Variants in HOOK3 observed in about 807,000 individuals in gnomAD.
HOOK3 encodes the protein protein Hook homolog 3.
A neutral mutation model predicts 116.3 loss-of-function variants in HOOK3; 24 were observed. That is an observed-to-expected ratio of 0.21 (90% CI 0.15 to 0.29). HOOK3 has a LOEUF of 0.29. Ranked by LOEUF, HOOK3 falls within the 10% of genes least tolerant of loss-of-function variation. HOOK3 has a pLI of 1.00. For missense variants in HOOK3, 632 were observed against 830.2 expected (o/e 0.76, Z 2.93); for synonymous variants, 275 against 283.0 (o/e 0.97, Z 0.28).
chr8:42,997,576 T>G lies in HOOK3; in HGVS notation c.1559T>G (p.Val520Gly). ...CTGGTGAATCAAAGACTTCTGGAAG[T>G]ACAGTCACAAGTTGAAGAATTACAA... ...NRLVNQRLLE[V>G]QSQVEELQKS... Residue 520 changes from valine (V) to glycine (G), a missense_variant, in exon 16 of 22, where the codon GTA (valine) becomes GGA (glycine). Coordinates refer to ENST00000307602, the MANE Select transcript of HOOK3 (RefSeq NM_032410.4). 1 of 1,610,370 alleles carries G rather than the reference T, an allele frequency of 6.2e-7. No homozygotes were observed. Among genetic ancestry groups the G allele is most frequent in the South Asian group, 1.1e-5 (1 of 90,320 alleles).
At chr8:42,974,456 C>T (rs1808783048) in intron 13 of HOOK3, among the ~76,000 whole-genome samples, 1 of 152,032 alleles carries the variant, frequency 6.6e-6, no homozygotes, top group Non-Finnish European at 1.5e-5. Context: ...CCAGGCTGGT[C>T]TGGAACTCCT....
intron 4 of HOOK3, among the ~76,000 whole-genome samples, chr8:42,933,807 T>C (rs1157831678): frequency 1.3e-5 from 2 of 152,234 alleles, no homozygotes; most frequent in Non-Finnish European, 2.9e-5. Flanking sequence ...CTCCATGCCC[T>C]GTGGCTTCCA....
At chr8:42,928,999 G>A (rs1021756569) in intron 3 of HOOK3, among the ~76,000 whole-genome samples, 5 of 152,140 alleles carry the variant, frequency 3.3e-5, no homozygotes, top group Non-Finnish European at 4.4e-5. Flanking sequence ...CCAAGATTGC[G>A]CCATTGCACT....
chr8:42,916,057 C>T (rs1294825526), intron 2 of HOOK3, among the ~76,000 whole-genome samples: 2 of 152,188 alleles, frequency 1.3e-5, no homozygotes, highest in Non-Finnish European at 2.9e-5. Context: ...ATATCTCCTG[C>T]CTAAATGCTT....
chr8:42,972,386 C>A (rs1224364345), intron 11 of HOOK3, among the ~76,000 whole-genome samples: 1 of 152,150 alleles, frequency 6.6e-6, no homozygotes, highest in African/African-American at 2.4e-5. Context: ...GCTGTCATTA[C>A]AAACTTCCAA....
At chr8:42,905,917 A>T (rs367795295) in intron 1 of HOOK3, among the ~76,000 whole-genome samples, 25 of 151,998 alleles carry the variant, frequency 1.6e-4, no homozygotes, top group African/African-American at 5.8e-4. Flanking sequence ...GAAACCCTGT[A>T]TCTACTAAAG....
Position 42,966,522 on chromosome 8 carries a change from A to G in HOOK3, c.829A>G (p.Lys277Glu). Reference sequence around the variant, plus strand: ...TCGAATACGTTGTGAAGAGTTAGAAAAGGAGATCTCTGAACTTCGGCAACA... The same window carrying G: ...TCGAATACGTTGTGAAGAGTTAGAAGAGGAGATCTCTGAACTTCGGCAACA... ...DYRIRCEELE[K>E]EISELRQQND... The change falls in exon 10 of 22, where the codon AAG (lysine) becomes GAG (glutamate). Residue 277 changes from lysine (K) to glutamate (E), a missense_variant. Physicochemically the swap from Lys to Glu is moderately conservative, Grantham distance 56 (BLOSUM62 1). This residue lies in a region of HOOK3 where 483 missense variants were observed against 648.1 expected (regional missense o/e 0.75). Transcript: ENST00000307602. 1 of 1,614,158 alleles carries G rather than the reference A, an allele frequency of 6.2e-7. No homozygotes were observed. The highest frequency in any genetic ancestry group is 1.1e-5 in the South Asian group (1 of 91,088).
chr8:42,898,082 G>C (rs1054616747), intron 1 of HOOK3, among the ~76,000 whole-genome samples: 2 of 152,260 alleles, frequency 1.3e-5, no homozygotes, highest in Admixed American at 6.5e-5. Flanking sequence ...GGTAAAACAC[G>C]AATGTGAGAG....
intron 2 of HOOK3, among the ~76,000 whole-genome samples, chr8:42,922,571 A>T (rs545378146): frequency 5.5e-4 from 83 of 151,984 alleles, no homozygotes; most frequent in African/African-American, 1.9e-3. Context: ...AAAAAAAATT[A>T]AAAACTTTGT....
intron 13 of HOOK3, 77 bp from the exon 14 acceptor site, chr8:42,982,550 T>C (rs1808972363): frequency 1.0e-6 from 1 of 961,504 alleles, no homozygotes; most frequent in African/African-American, 1.6e-5. Context: ...AAATTAATGC[T>C]CAAAGTAGGG....
intron 1 of HOOK3, among the ~76,000 whole-genome samples, chr8:42,904,429 C>T (rs180713084): frequency 5.9e-4 from 90 of 151,894 alleles, no homozygotes; most frequent in Non-Finnish European, 1.1e-3. Context: ...CCTGCATCAG[C>T]CTCCAGTGTA....
chr8:43,013,132 G>T lies in HOOK3; in HGVS notation c.1921G>T (p.Asp641Tyr). ...QALKNQLQER[D>Y]RLFHSLEKEY... ...TCTTAAAAATCAGCTCCAGGAACGA[G>T]ACCGACTGTTCCACTCATTAGAGGT... The change falls in exon 20 of 22, where the codon GAC becomes TAC. Residue 641 changes from aspartate to tyrosine, a missense_variant. Asp to Tyr is a radical substitution (Grantham distance 160). This residue lies in a region of HOOK3 where 483 missense variants were observed against 648.1 expected (regional missense o/e 0.75). Coordinates refer to ENST00000307602, the MANE Select transcript of HOOK3 (RefSeq NM_032410.4). The T allele has an allele frequency of 6.2e-7, 1 of 1,610,226 alleles. No individual in the cohort carries two copies. Among genetic ancestry groups the T allele is most frequent in the South Asian group, 1.1e-5 (1 of 90,928 alleles).
intron 2 of HOOK3, among the ~76,000 whole-genome samples, chr8:42,910,156 G>A (rs1807394768): frequency 6.6e-6 from 1 of 152,100 alleles, no homozygotes; most frequent in Admixed American, 6.5e-5. Flanking sequence ...CATTGTATAC[G>A]ATATCATAAC....
At position 42,959,139 on chromosome 8, in the gene HOOK3, AG is replaced by A. The variant is rs1491215935; in HGVS notation, c.532-86del. The A allele has an allele frequency of 1.1e-5, 8 of 757,066 alleles. No homozygotes were observed. The Middle Eastern group carries it at 9.7e-4, about 92-fold the overall frequency. The allele number at this position is 757,066 out of a possible 1,614,324, so 46.9% of individuals were successfully genotyped here. A position where few individuals can be genotyped will look rare whatever the true frequency, so the allele number is the denominator to read the frequency against. Reference sequence around the variant, plus strand: ...GCACCCTTCCCTCTTCAGGAAAGACAGGGGGGAGATGTTTTAATTCTGTGTT... The same window carrying A: ...GCACCCTTCCCTCTTCAGGAAAGACAGGGGGAGATGTTTTAATTCTGTGTT... On this transcript the variant is annotated intron_variant, in intron 7 of 21. Transcript: ENST00000307602.
At chr8:42,924,668 A>G (rs930914966) in intron 2 of HOOK3, among the ~76,000 whole-genome samples, 2 of 152,210 alleles carry the variant, frequency 1.3e-5, no homozygotes. Flanking sequence ...TTATATATTT[A>G]TCAGTTTAAA....
At chr8:43,007,749 A>G (rs920690447) in intron 17 of HOOK3, 98 bp from the exon 18 acceptor site, 13 of 597,746 alleles carry the variant, frequency 2.2e-5, no homozygotes, top group Non-Finnish European at 3.2e-5. Flanking sequence ...CTTGCATGCA[A>G]TGCAAGTGTA....
At chr8:43,008,281 G>A (rs1265637211) in intron 18 of HOOK3, among the ~76,000 whole-genome samples, 3 of 152,046 alleles carry the variant, frequency 2.0e-5, no homozygotes, top group Admixed American at 2.0e-4. Context: ...GCCTCCCAAA[G>A]TGCTGAGATT....
At chr8:42,941,304 A>C (rs372616467) in intron 4 of HOOK3, among the ~76,000 whole-genome samples, 3 of 149,888 alleles carry the variant, frequency 2.0e-5, no homozygotes, top group African/African-American at 7.3e-5. Flanking sequence ...TCACGAGGTC[A>C]GGAGATCTAG....
At chr8:42,923,980 A>G (rs1388982324) in intron 2 of HOOK3, among the ~76,000 whole-genome samples, 1 of 152,218 alleles carries the variant, frequency 6.6e-6, no homozygotes, top group Non-Finnish European at 1.5e-5. Context: ...TTTTTTCAGA[A>G]TAGGTAAAAA....
Sources: gnomAD v4.1 joint callset for allele counts (sites outside exome capture counted in the v4.1 genomes callset) on GRCh38, gnomAD v4.1.1 for gene constraint, gnomAD v4.1.1 regional missense constraint, MANE v1.5 for transcripts, NCBI Gene and HGNC (gene_info 2026-07-23, HGNC 2026-07-21) for gene names.